NAV2: variants seen among roughly 807,000 people sequenced by gnomAD.
The protein encoded by NAV2 is helicase, APC down-regulated 1.
In NAV2, 54 loss-of-function variants were observed where a neutral mutation model predicts 223.2. That is an observed-to-expected ratio of 0.24 (90% CI 0.19 to 0.30). The LOEUF (loss-of-function observed/expected upper bound fraction) is 0.30. Ranked by LOEUF, NAV2 falls within the 10% of genes least tolerant of loss-of-function variation. The pLI is 1.00. For missense variants in NAV2, 2,806 were observed against 3,147.5 expected, an observed-to-expected ratio of 0.89 and a Z score of 2.60; for synonymous variants, 1,279 against 1,239.3, an observed-to-expected ratio of 1.03 and a Z score of -0.67.
At chr11:19,657,929 G>A (rs1269084582) in intron 1 of NAV2, among the ~76,000 whole-genome samples, 1 of 152,038 alleles carries the variant, frequency 6.6e-6, no homozygotes, top group Non-Finnish European at 1.5e-5. Context: ...AGAACACTAG[G>A]GGACATGACC....
chr11:19,521,856 T>C (rs113749003), intron 1 of NAV2, among the ~76,000 whole-genome samples: 2,180 of 152,332 alleles, frequency 0.014, 22 homozygotes, highest in Non-Finnish European at 0.024. Context: ...CCTTTCTCTT[T>C]GGCCACTATC....
chr11:20,094,372 G>A (rs1166759904), intron 29 of NAV2, among the ~76,000 whole-genome samples: 1 of 151,746 alleles, frequency 6.6e-6, no homozygotes, highest in Non-Finnish European at 1.5e-5. Flanking sequence ...TGGGACTATA[G>A]GTACCTGCCA....
At chr11:19,978,177 C>T (rs981830265) in intron 10 of NAV2, among the ~76,000 whole-genome samples, 3 of 151,902 alleles carry the variant, frequency 2.0e-5, no homozygotes, top group East Asian at 1.9e-4. Context: ...ACTCGCTGGC[C>T]GGTGCATCCT....
intron 1 of NAV2, among the ~76,000 whole-genome samples, chr11:19,351,623 G>A (rs773484883): frequency 5.4e-4 from 82 of 152,092 alleles, no homozygotes; most frequent in Non-Finnish European, 1.0e-3. Context: ...AGGCAGACGC[G>A]TTGTGGAGTA....
intron 1 of NAV2, among the ~76,000 whole-genome samples, chr11:19,378,354 T>A (rs1045409713): frequency 1.7e-4 from 26 of 152,092 alleles, no homozygotes; most frequent in African/African-American, 6.0e-4. Flanking sequence ...CCCCCTGCCC[T>A]GAGTTTATTC....
chr11:20,063,772 C>T (rs1350757884), intron 20 of NAV2, among the ~76,000 whole-genome samples: 1 of 152,128 alleles, frequency 6.6e-6, no homozygotes, highest in Non-Finnish European at 1.5e-5. Context: ...ATTCTTTAGC[C>T]CTTAATCCCA....
chr11:19,479,990 T>A (rs1174368759), intron 1 of NAV2, among the ~76,000 whole-genome samples: 1 of 152,164 alleles, frequency 6.6e-6, no homozygotes, highest in Non-Finnish European at 1.5e-5. Flanking sequence ...GGGGAAAACA[T>A]AGTCACTCCC....
intron 2 of NAV2, among the ~76,000 whole-genome samples, chr11:19,838,272 A>G (rs1364464081): frequency 1.3e-5 from 2 of 152,008 alleles, no homozygotes; most frequent in African/African-American, 4.8e-5. Context: ...TTGAGGACCC[A>G]CTCCATCGTG....
intron 24 of NAV2, among the ~76,000 whole-genome samples, chr11:20,079,854 G>T (rs150833457): frequency 9.2e-5 from 14 of 152,316 alleles, no homozygotes; most frequent in African/African-American, 3.4e-4. Flanking sequence ...GTAAAGTGGG[G>T]AGAGATAGAC....
At chr11:19,672,016 G>C (rs1393764999) in intron 1 of NAV2, among the ~76,000 whole-genome samples, 5 of 152,228 alleles carry the variant, frequency 3.3e-5, no homozygotes, top group African/African-American at 4.8e-5. Flanking sequence ...ACCAAGCGCT[G>C]TGGGAATGTA....
At chr11:19,617,737 G>T (rs932558946) in intron 1 of NAV2, among the ~76,000 whole-genome samples, 1 of 152,158 alleles carries the variant, frequency 6.6e-6, no homozygotes, top group African/African-American at 2.4e-5. Flanking sequence ...ACAATGATCT[G>T]GGAGGGAGGA....
In NAV2 at chr11:19,892,587, C is replaced by G. The variant is rs76088545; in HGVS notation, c.924C>G (p.His308Gln). 1.5e-5 allele frequency: 25 copies of G among 1,613,450 alleles called. No homozygotes were observed. The highest frequency in any genetic ancestry group is 1.9e-5 in the Non-Finnish European group (23 of 1,179,774). Residue 308 changes from histidine to glutamine, a missense_variant, in exon 6 of 38, where the codon CAC becomes CAG. By Grantham distance (24) the His-to-Gln change is conservative (BLOSUM62 0). Around this residue, in one of 4 missense-constraint regions of NAV2, gnomAD observed 1,167 missense variants for 1,180.5 expected, o/e 0.99. Transcript: ENST00000349880. ...CCCCACCCCCACCGCCAAGCAGCCA[C>G]GAGAAAGGTGAGTCACCTTCTTGAG... ...VTSPPPPPSSHEKEPLASSAS... is the reference protein window; with the variant it reads ...VTSPPPPPSSQEKEPLASSAS...
At chr11:19,637,928 G>A (rs2047550840) in intron 1 of NAV2, among the ~76,000 whole-genome samples, 1 of 152,216 alleles carries the variant, frequency 6.6e-6, no homozygotes, top group Non-Finnish European at 1.5e-5. Flanking sequence ...CTTAGGGTAG[G>A]CCAGTGAGTT....
intron 4 of NAV2, among the ~76,000 whole-genome samples, chr11:19,871,769 G>C (rs2062520230): frequency 6.6e-6 from 1 of 152,092 alleles, no homozygotes; most frequent in Non-Finnish European, 1.5e-5. Context: ...AGGTGGCCAA[G>C]AGGCAGATCA....
At position 19,360,357 on chromosome 11, in the gene NAV2, T is replaced by A. The variant is rs1194478198; in HGVS notation, c.75+9330T>A. Among the ~76,000 whole-genome samples the A allele has an allele frequency of 2.0e-5, 3 of 152,330 alleles. No individual in the cohort carries two copies. In the East Asian group the frequency reaches 5.8e-4, roughly 29 times the overall value. On this transcript the variant is annotated intron_variant, in intron 1 of 37. Coordinates refer to the NAV2 transcript ENST00000360655. ...TCCTTGACATGTCCTCTTGGTAATT[T>A]TCCACCCACTGATCCCCTGTCACTC...
At chr11:19,514,645 T>C (rs1213192461) in intron 1 of NAV2, among the ~76,000 whole-genome samples, 1 of 152,164 alleles carries the variant, frequency 6.6e-6, no homozygotes, top group African/African-American at 2.4e-5. Flanking sequence ...ACTGCCTCGG[T>C]GGGGCTCACA....
intron 35 of NAV2, 52 bp downstream of exon 35, chr11:20,105,779 T>C: frequency 7.0e-7 from 1 of 1,435,192 alleles, no homozygotes. Flanking sequence ...CAGGTGCCCA[T>C]CCTCTGGGCC....
rs138671489 is a variant in NAV2 at position 20,103,353 on chromosome 11, C to T, written c.6516C>T (p.His2172=). The change falls in exon 33 of 38, where the codon CAC becomes CAT. Residue 2172 remains histidine (H), a synonymous_variant. Transcript: ENST00000349880. The stretch of plus-strand genomic sequence containing the variant: ...TCATCATCCTGGACAACCTACACCA[C>T]GTGAGCTCTCTGGGAGAGATCTTCA... ...PLVIILDNLH[H]VSSLGEIFNG... is the part of the protein sequence containing the mutation. 128 of 1,614,042 alleles carry T rather than the reference C, an allele frequency of 7.9e-5. No homozygotes were observed. The highest frequency in any genetic ancestry group is 1.1e-4 in the African/African-American group (8 of 74,926).
chr11:20,111,402 C>T (rs954472560), intron 36 of NAV2, among the ~76,000 whole-genome samples: 3 of 152,216 alleles, frequency 2.0e-5, no homozygotes, highest in Non-Finnish European at 4.4e-5. Context: ...AGCTGAGGAG[C>T]TTTATGATGT....
Sources: gnomAD v4.1 joint callset for allele counts (sites outside exome capture counted in the v4.1 genomes callset) on GRCh38, gnomAD v4.1.1 for gene constraint, gnomAD v4.1.1 regional missense constraint, MANE v1.5 for transcripts, NCBI Gene and HGNC (gene_info 2026-07-23, HGNC 2026-07-21) for gene names.